Variants in OPCML observed in about 807,000 individuals in gnomAD.
The protein encoded by OPCML is opioid-binding protein/cell adhesion molecule.
In OPCML, 13 loss-of-function variants were observed where a neutral mutation model predicts 37.8. The observed-to-expected ratio is 0.34, with a 90% CI of 0.22 to 0.55. The LOEUF is 0.55. OPCML is among the 20% of genes least tolerant of loss of function. OPCML has a pLI of 0.91. For synonymous variants in OPCML, 176 were observed against 168.8 expected (o/e 1.04, Z -0.33); for missense variants, 341 against 435.6 (o/e 0.78, Z 1.93).
chr11:133,114,140 T>A (rs75265929), intron 1 of OPCML, among the ~76,000 whole-genome samples: 7,848 of 152,252 alleles, frequency 0.052, 290 homozygotes, highest in East Asian at 0.18. Flanking sequence ...CACAGAAATC[T>A]TATGCGACAG....
At chr11:133,069,770 C>T (rs1948495909) in intron 1 of OPCML, among the ~76,000 whole-genome samples, 2 of 152,274 alleles carry the variant, frequency 1.3e-5, no homozygotes, top group Non-Finnish European at 2.9e-5. Context: ...GTGACAAAGA[C>T]CATTAACTCT....
intron 3 of OPCML, among the ~76,000 whole-genome samples, chr11:132,625,589 G>A (rs758797061): frequency 2.6e-4 from 39 of 152,300 alleles, no homozygotes; most frequent in Non-Finnish European, 5.1e-4. Flanking sequence ...TTTCCTAAAT[G>A]TGAAACTGAA....
intron 1 of OPCML, among the ~76,000 whole-genome samples, chr11:133,527,520 A>G (rs1230708375): frequency 6.6e-6 from 1 of 152,224 alleles, no homozygotes; most frequent in Admixed American, 6.5e-5. Flanking sequence ...TGACAAAGAC[A>G]TACATATATG....
chr11:132,579,494 G>C (rs2096457990), intron 3 of OPCML, among the ~76,000 whole-genome samples: 1 of 152,000 alleles, frequency 6.6e-6, no homozygotes, highest in Non-Finnish European at 1.5e-5. Flanking sequence ...AACAGCTTAT[G>C]GGCAAGTGGC....
intron 1 of OPCML, among the ~76,000 whole-genome samples, chr11:133,485,489 T>C (rs753874220): frequency 1.3e-5 from 2 of 152,212 alleles, no homozygotes; most frequent in African/African-American, 2.4e-5. Context: ...TCTCATCTTA[T>C]TGGAGACTTT....
At chr11:133,385,906 T>C (rs999615658) in intron 1 of OPCML, among the ~76,000 whole-genome samples, 1 of 151,814 alleles carries the variant, frequency 6.6e-6, no homozygotes, top group Non-Finnish European at 1.5e-5. Context: ...GAAATCCAGA[T>C]GTTTTCTCTT....
At chr11:132,698,831 T>C (rs1431598403) in intron 2 of OPCML, among the ~76,000 whole-genome samples, 1 of 152,164 alleles carries the variant, frequency 6.6e-6, no homozygotes, top group Admixed American at 6.5e-5. Flanking sequence ...TCCAAGTTCA[T>C]TCTTCTGCAT....
chr11:133,388,054 G>A (rs1026308997), intron 1 of OPCML, among the ~76,000 whole-genome samples: 5 of 152,110 alleles, frequency 3.3e-5, no homozygotes, highest in Admixed American at 6.5e-5. Context: ...TCTGCCCATG[G>A]GTTTTATTCG....
intron 1 of OPCML, among the ~76,000 whole-genome samples, chr11:133,149,930 G>A (rs891033625): frequency 1.3e-5 from 2 of 152,158 alleles, no homozygotes; most frequent in African/African-American, 4.8e-5. Flanking sequence ...TCAAGAGGCC[G>A]GAGCACTTGT....
At chr11:133,226,027 C>A (rs1940021890) in intron 1 of OPCML, among the ~76,000 whole-genome samples, 1 of 152,220 alleles carries the variant, frequency 6.6e-6, no homozygotes. Context: ...GCTAAGTTAC[C>A]TGCACCAGTT....
intron 2 of OPCML, among the ~76,000 whole-genome samples, chr11:132,791,634 A>C (rs1415410211): frequency 2.6e-5 from 4 of 152,156 alleles, no homozygotes; most frequent in Admixed American, 2.6e-4. Flanking sequence ...ACCCTGCCTC[A>C]AAGTGAACAT....
intron 1 of OPCML, among the ~76,000 whole-genome samples, chr11:133,516,850 A>G (rs1948288532): frequency 6.6e-6 from 1 of 152,220 alleles, no homozygotes; most frequent in Admixed American, 6.5e-5. Context: ...TATAAACAAC[A>G]GAATATTCTG....
At chr11:132,937,602 GTGT>G (rs1945433466) in intron 2 of OPCML, among the ~76,000 whole-genome samples, 1 of 97,438 alleles carries the variant, frequency 1.0e-5, no homozygotes, top group African/African-American at 4.9e-5. Flanking sequence ...TGGGGTGTGT[GTGT>G]GTGTGTGTGT....
chr11:132,852,620 A>G (rs1388582475), intron 2 of OPCML, among the ~76,000 whole-genome samples: 3 of 152,110 alleles, frequency 2.0e-5, no homozygotes, highest in Non-Finnish European at 4.4e-5. Context: ...AGAAAAAAAA[A>G]AGAGAGAGAG....
chr11:133,494,735 G>A (rs1296996319), intron 1 of OPCML, among the ~76,000 whole-genome samples: 1 of 97,064 alleles, frequency 1.0e-5, no homozygotes, highest in African/African-American at 6.2e-5. Context: ...GCGGGGGGAC[G>A]GGGGAGGGAT....
intron 1 of OPCML, among the ~76,000 whole-genome samples, chr11:133,151,201 A>G (rs897790797): frequency 1.5e-4 from 23 of 152,028 alleles, no homozygotes; most frequent in African/African-American, 5.6e-4. Flanking sequence ...TGAACCCGGG[A>G]GGCGGAAGTT....
chr11:133,483,858 T>C (rs1439143937), intron 1 of OPCML, among the ~76,000 whole-genome samples: 1 of 142,172 alleles, frequency 7.0e-6, no homozygotes, highest in African/African-American at 2.9e-5. Flanking sequence ...GATGGATAGA[T>C]AGATTCATAG....
chr11:133,187,498 C>T (rs1375674933), intron 1 of OPCML, among the ~76,000 whole-genome samples: 1 of 152,140 alleles, frequency 6.6e-6, no homozygotes, highest in African/African-American at 2.4e-5. Context: ...TATTCAGTTG[C>T]TTCTTTTCGC....
At chr11:132,967,581 T>C (rs1946243153) in intron 1 of OPCML, among the ~76,000 whole-genome samples, 1 of 152,184 alleles carries the variant, frequency 6.6e-6, no homozygotes, top group South Asian at 2.1e-4. Flanking sequence ...GTTGTTATTG[T>C]CAGATAAATT....
Sources: gnomAD v4.1 joint callset for allele counts (sites outside exome capture counted in the v4.1 genomes callset) on GRCh38, gnomAD v4.1.1 for gene constraint, MANE v1.5 for transcripts, NCBI Gene and HGNC (gene_info 2026-07-23, HGNC 2026-07-21) for gene names.